The following MAD1L1 variants were observed in gnomAD, a reference collection of about 807,000 sequenced individuals.
MAD1L1 encodes mitotic arrest deficient 1 like 1.
Under a neutral mutation model 96.9 loss-of-function variants are expected in MAD1L1, and 95 were observed. That is an observed-to-expected ratio of 0.98 (90% CI 0.83 to 1.16). The LOEUF is 1.16. MAD1L1 is among the 50% of genes most tolerant of loss of function. The pLI is 0.00. For missense variants in MAD1L1, 1,007 were observed against 954.4 expected, an observed-to-expected ratio of 1.06 and a Z score of -0.73; for synonymous variants, 473 against 396.6, an observed-to-expected ratio of 1.19 and a Z score of -2.29.
At chr7:2,028,326 G>A (rs1171025609) in intron 12 of MAD1L1, among the ~76,000 whole-genome samples, 2 of 151,120 alleles carry the variant, frequency 1.3e-5, no homozygotes, top group Admixed American at 1.3e-4. Flanking sequence ...TCGGGAGGCT[G>A]AGGCAAGAGA....
At chr7:1,924,116 G>A (rs775018624) in intron 17 of MAD1L1, among the ~76,000 whole-genome samples, 35 of 152,226 alleles carry the variant, frequency 2.3e-4, no homozygotes, top group Non-Finnish European at 3.5e-4. Context: ...CCAAGATGAC[G>A]GAGATGCTGG....
chr7:2,065,498 C>A (rs747652375), intron 12 of MAD1L1, among the ~76,000 whole-genome samples: 1 of 152,170 alleles, frequency 6.6e-6, no homozygotes, highest in Non-Finnish European at 1.5e-5. Context: ...CCCCAGGCAG[C>A]GAGGACGTGG....
At chr7:1,958,749 A>G (rs4236279) in intron 15 of MAD1L1, among the ~76,000 whole-genome samples, 141,021 of 152,228 alleles carry the variant, frequency 0.93, 65,541 homozygotes, top group East Asian at 1. Flanking sequence ...AAGACGCAGC[A>G]TTGCACAGAC....
intron 18 of MAD1L1, chr7:1,854,313 G>A (rs1784130502): frequency 4.4e-6 from 2 of 455,530 alleles, no homozygotes; most frequent in Non-Finnish European, 8.8e-6. Context: ...GCGAGCGGAC[G>A]TCCTGGGCCC....
At chr7:2,178,634 C>T (rs1442102360) in intron 10 of MAD1L1, among the ~76,000 whole-genome samples, 1 of 152,188 alleles carries the variant, frequency 6.6e-6, no homozygotes, top group East Asian at 1.9e-4. Context: ...CGATGGCTCA[C>T]GCCTGTAATC....
chr7:1,819,450 C>A (rs1489682613), intron 18 of MAD1L1, among the ~76,000 whole-genome samples: 1 of 152,162 alleles, frequency 6.6e-6, no homozygotes, highest in Non-Finnish European at 1.5e-5. Context: ...TAGTCCAGAC[C>A]CTCGCTGGCC....
At chr7:2,090,488 G>A (rs142275502) in intron 11 of MAD1L1, among the ~76,000 whole-genome samples, 142 of 152,306 alleles carry the variant, frequency 9.3e-4, no homozygotes, top group African/African-American at 3.3e-3. Context: ...GCACTGGAAC[G>A]GTGTCACGAA....
Position 1,934,906 on chromosome 7 carries a change from A to G in MAD1L1, c.1807+1781T>C, listed in dbSNP as rs558871259. ...GAACCCGAGACGGGCAGAGACCCAG[A>G]CAACAGGGGGACAAACAGACGGGTG... On this transcript the variant is annotated intron_variant, in intron 17 of 18. Transcript: ENST00000265854. Among the ~76,000 whole-genome samples, 4 of 151,772 alleles carry G rather than the reference A, an allele frequency of 2.6e-5. No individual in the cohort carries two copies. The South Asian group carries it at 8.4e-4, about 32-fold the overall frequency.
intron 12 of MAD1L1, among the ~76,000 whole-genome samples, chr7:2,041,671 G>A (rs1243093258): frequency 2.6e-5 from 4 of 152,192 alleles, no homozygotes; most frequent in Admixed American, 6.5e-5. Context: ...CACGACTGAC[G>A]CTTGACATGA....
intron 10 of MAD1L1, among the ~76,000 whole-genome samples, chr7:2,198,580 C>G (rs529615464): frequency 6.6e-6 from 1 of 152,366 alleles, no homozygotes; most frequent in South Asian, 2.1e-4. Flanking sequence ...AGGCTTTCAA[C>G]AGAGGCGAGT....
intron 12 of MAD1L1, among the ~76,000 whole-genome samples, chr7:2,057,826 C>G (rs1055977375): frequency 2.0e-5 from 3 of 152,206 alleles, no homozygotes; most frequent in Non-Finnish European, 4.4e-5. Flanking sequence ...GAGTATCACA[C>G]AGAACATCTA....
intron 12 of MAD1L1, among the ~76,000 whole-genome samples, chr7:2,029,041 C>T (rs979268342): frequency 6.6e-6 from 1 of 152,092 alleles, no homozygotes; most frequent in African/African-American, 2.4e-5. Context: ...ACACACAAAT[C>T]ACAACCACAA....
intron 14 of MAD1L1, 40 bp from the exon 15 acceptor site, chr7:1,980,581 C>T (rs374933069): frequency 3.3e-6 from 5 of 1,531,118 alleles, no homozygotes; most frequent in Non-Finnish European, 4.5e-6. Flanking sequence ...CAGACACGAG[C>T]GCACCCAGGT....
At chr7:2,063,097 C>T (rs1183881705) in intron 12 of MAD1L1, among the ~76,000 whole-genome samples, 1 of 152,244 alleles carries the variant, frequency 6.6e-6, no homozygotes, top group African/African-American at 2.4e-5. Context: ...ACAGCGGAGG[C>T]TGTTCTGTTT....
chr7:2,064,305 G>A (rs1027709319), intron 12 of MAD1L1, among the ~76,000 whole-genome samples: 1 of 152,182 alleles, frequency 6.6e-6, no homozygotes, highest in Non-Finnish European at 1.5e-5. Flanking sequence ...CCTGGGCACA[G>A]AAACGACCCC....
intron 10 of MAD1L1, among the ~76,000 whole-genome samples, chr7:2,203,596 G>C (rs1792429907): frequency 6.6e-6 from 1 of 152,220 alleles, no homozygotes; most frequent in Admixed American, 6.5e-5. Flanking sequence ...GGGGCTGCTG[G>C]AGTCTGAGTC....
intron 10 of MAD1L1, among the ~76,000 whole-genome samples, chr7:2,161,623 C>T (rs916789554): frequency 4.7e-5 from 7 of 148,588 alleles, no homozygotes; most frequent in African/African-American, 1.5e-4. Flanking sequence ...AAGTGAGGAG[C>T]GCCTCTTCCC....
At chr7:1,998,723 ACCAACCCCCTG>A (rs1176929860) in intron 14 of MAD1L1, among the ~76,000 whole-genome samples, 2 of 85,694 alleles carry the variant, frequency 2.3e-5, no homozygotes, top group Non-Finnish European at 2.5e-5. Flanking sequence ...TGTGTCCCCC[ACCAACCCCCTG>A]CCAACCCCCC....
rs908560455 is a variant in MAD1L1 at position 1,919,909 on chromosome 7, A to G, written c.1807+16778T>C. Among the ~76,000 whole-genome samples, 7 of 152,242 alleles carry G rather than the reference A, an allele frequency of 4.6e-5. 1 individual carries two copies. The highest frequency in any genetic ancestry group is 1.7e-4 in the African/African-American group (7 of 41,468). ...CTCTGGGGAGGGAGCTGAAGTTGCA[A>G]AGTGCCCAGGGGTGGCAGGGCGGAG... On this transcript the variant is annotated intron_variant, in intron 17 of 18. Transcript: ENST00000265854.
Sources: allele counts gnomAD v4.1 joint callset (sites outside exome capture counted in the v4.1 genomes callset), GRCh38; gene constraint gnomAD v4.1.1; transcripts MANE v1.5; gene names NCBI Gene and HGNC (gene_info 2026-07-23, HGNC 2026-07-21).